The following IL1R1 variants were observed in gnomAD, a reference collection of about 807,000 sequenced individuals.
IL1R1 encodes interleukin-1 receptor type 1.
In IL1R1, 22 loss-of-function variants were observed where a neutral mutation model predicts 50.2. The observed-to-expected ratio is 0.44, with a 90% CI of 0.31 to 0.63. IL1R1 has a LOEUF of 0.63. Among genes scored for constraint, IL1R1 ranks in the 20% least tolerant of loss-of-function variants. IL1R1 has a pLI of 0.07. For missense variants in IL1R1, 509 were observed against 676.2 expected (o/e 0.75, Z 2.74); for synonymous variants, 251 against 236.7 (o/e 1.06, Z -0.55).
chr2:102,136,068 G>A (rs1259451945), intron 1 of IL1R1, among the ~76,000 whole-genome samples: 3 of 152,076 alleles, frequency 2.0e-5, no homozygotes, highest in Non-Finnish European at 4.4e-5. Context: ...CATTACTGGG[G>A]AATTCACTTG....
intron 1 of IL1R1, 69 bp from the exon 2 acceptor site, chr2:102,153,872 A>G (rs911108685): frequency 1.3e-5 from 2 of 152,276 alleles, no homozygotes; most frequent in Non-Finnish European, 2.9e-5. Context: ...GCCTCTTGAG[A>G]TCCTCACAGC....
chr2:102,078,908 A>T (rs1679093560), intron 1 of IL1R1, among the ~76,000 whole-genome samples: 2 of 152,218 alleles, frequency 1.3e-5, no homozygotes, highest in Non-Finnish European at 2.9e-5. Flanking sequence ...AGTGGGATTT[A>T]TCCTAAGAAT....
chr2:102,158,482 G>C (rs1684405711), intron 3 of IL1R1, among the ~76,000 whole-genome samples: 1 of 152,200 alleles, frequency 6.6e-6, no homozygotes, highest in South Asian at 2.1e-4. Context: ...CTTTTGAGTT[G>C]ACCTTAAGGA....
exon 1 of IL1R1, chr2:102,104,838 A>G (rs1224931889): frequency 2.6e-5 from 4 of 152,224 alleles, no homozygotes; most frequent in Non-Finnish European, 5.9e-5. Flanking sequence ...GAGGCCAGCC[A>G]TTCCCAAATG....
intron 1 of IL1R1, among the ~76,000 whole-genome samples, chr2:102,074,637 G>A (rs1678884012): frequency 6.6e-6 from 1 of 152,140 alleles, no homozygotes; most frequent in African/African-American, 2.4e-5. Context: ...TTTCAAAGGC[G>A]AAAGTGACAA....
chr2:102,170,732 A>C (rs904338833), intron 7 of IL1R1, among the ~76,000 whole-genome samples: 1 of 152,116 alleles, frequency 6.6e-6, no homozygotes, highest in Non-Finnish European at 1.5e-5. Context: ...AAAAACCAAA[A>C]CCCTGAATAT....
intron 1 of IL1R1, among the ~76,000 whole-genome samples, chr2:102,076,940 A>C (rs1303039381): frequency 6.6e-6 from 1 of 151,820 alleles, no homozygotes; most frequent in Non-Finnish European, 1.5e-5. Context: ...ATATATTTGG[A>C]TATTTTACAT....
At chr2:102,109,455 C>T (rs1484177484) in intron 1 of IL1R1, among the ~76,000 whole-genome samples, 1 of 151,524 alleles carries the variant, frequency 6.6e-6, no homozygotes, top group Admixed American at 6.5e-5. Flanking sequence ...AGAGATCCAT[C>T]AGCCTGCACC....
At position 102,177,222 on chromosome 2, in the gene IL1R1, G is replaced by C; in HGVS notation, c.*463G>C. 1 of 177,784 alleles carries C rather than the reference G, an allele frequency of 5.6e-6. No individual in the cohort carries two copies. The highest frequency in any genetic ancestry group is 1.2e-5 in the Non-Finnish European group (1 of 81,562). 11.0% of individuals were successfully genotyped at this position (177,784 alleles called of 1,614,324 possible). Reference sequence around the variant, plus strand: ...CGGAGGTTGCAGTGAGCCGAGTTTGGGCCACTGCACTCTAGCCTGGCAACA... The same window carrying C: ...CGGAGGTTGCAGTGAGCCGAGTTTGCGCCACTGCACTCTAGCCTGGCAACA... On this transcript the variant is annotated 3_prime_UTR_variant, in exon 12 of 12. Coordinates refer to ENST00000410023, the MANE Select transcript of IL1R1 (RefSeq NM_000877.4).
At chr2:102,152,988 A>C (rs3834162) in intron 1 of IL1R1, among the ~76,000 whole-genome samples, 3,881 of 55,400 alleles carry the variant, frequency 0.07, 115 homozygotes, top group African/African-American at 0.12. Context: ...TGATTCAGAC[A>C]AAAAAAAAAA....
At chr2:102,123,469 C>G (rs1559474137) in intron 1 of IL1R1, among the ~76,000 whole-genome samples, 1 of 152,120 alleles carries the variant, frequency 6.6e-6, no homozygotes, top group African/African-American at 2.4e-5. Flanking sequence ...TAAATTGTAT[C>G]AAAATAATAC....
At chr2:102,091,770 C>A (rs1165742354) in intron 1 of IL1R1, among the ~76,000 whole-genome samples, 1 of 152,126 alleles carries the variant, frequency 6.6e-6, no homozygotes, top group Non-Finnish European at 1.5e-5. Context: ...TCTCTTTATC[C>A]CCGTCTTTTA....
Position 102,166,293 on chromosome 2 carries a change from C to A in IL1R1, c.655+12C>A. The A allele has an allele frequency of 6.3e-7, 1 of 1,597,732 alleles. No individual in the cohort carries two copies. Among genetic ancestry groups the A allele is most frequent in the African/African-American group, 1.3e-5 (1 of 74,722 alleles). ...ATTTATTACTCTAGGTGAGTCATAG[C>A]TCCAGCCCTAAAAGGTTTAGATCTG... On this transcript the variant is annotated intron_variant, in intron 6 of 11. Transcript: ENST00000410023.
At chr2:102,102,065 A>G (rs192723510), upstream of IL1R1, among the ~76,000 whole-genome samples, 1 of 152,304 alleles carries the variant, frequency 6.6e-6, no homozygotes, top group East Asian at 1.9e-4. Flanking sequence ...TTTGAGAAGT[A>G]GGAAGGAGCA....
chr2:102,113,548 T>A (rs1445957614), intron 1 of IL1R1, among the ~76,000 whole-genome samples: 1 of 152,216 alleles, frequency 6.6e-6, no homozygotes, highest in Non-Finnish European at 1.5e-5. Context: ...CTCATTCTAT[T>A]CCTGGAGTTA....
At chr2:102,119,146 A>T (rs1434456909) in intron 1 of IL1R1, among the ~76,000 whole-genome samples, 1 of 152,002 alleles carries the variant, frequency 6.6e-6, no homozygotes, top group Non-Finnish European at 1.5e-5. Flanking sequence ...GAAAACATTT[A>T]TGGGAGGGTA....
chr2:102,087,411 C>T (rs1679475589), intron 1 of IL1R1, among the ~76,000 whole-genome samples: 1 of 152,230 alleles, frequency 6.6e-6, no homozygotes, highest in Admixed American at 6.5e-5. Context: ...AGTAGAACTT[C>T]TTTCAAGATT....
chr2:102,072,581 TTTGCTTTTTGCTTA>T, intron 1 of IL1R1, among the ~76,000 whole-genome samples: 1 of 152,334 alleles, frequency 6.6e-6, no homozygotes, highest in South Asian at 2.1e-4. Context: ...CTATTGGCTT[TTTGCTTTTTGCTTA>T]TTGCTTTTTG....
At chr2:102,166,065 A>T in intron 5 of IL1R1, 48 bp from the exon 6 acceptor site, 1 of 1,517,574 alleles carries the variant, frequency 6.6e-7, no homozygotes, top group South Asian at 1.2e-5. Flanking sequence ...TAGATTGGGG[A>T]AAGTTATTGG....
Sources: gnomAD v4.1 joint callset for allele counts (sites outside exome capture counted in the v4.1 genomes callset) on GRCh38, gnomAD v4.1.1 for gene constraint, MANE v1.5 for transcripts, NCBI Gene and HGNC (gene_info 2026-07-23, HGNC 2026-07-21) for gene names.